TMTC2: variants seen among roughly 807,000 people sequenced by gnomAD.
TMTC2 encodes the protein protein O-mannosyl-transferase TMTC2.
A neutral mutation model predicts 82.4 loss-of-function variants in TMTC2; 43 were observed. The ratio of observed to expected loss-of-function variants is 0.52; its 90% CI spans 0.41 to 0.67. The LOEUF is 0.67. Among genes scored for constraint, TMTC2 ranks in the 30% least tolerant of loss-of-function variants. The pLI is 0.00. For missense variants in TMTC2, 919 were observed against 1,012.4 expected (o/e 0.91, Z 1.25); for synonymous variants, 408 against 381.9 (o/e 1.07, Z -0.80).
chr12:83,008,980 G>A (rs1880329470), intron 8 of TMTC2, among the ~76,000 whole-genome samples: 1 of 152,184 alleles, frequency 6.6e-6, no homozygotes, highest in African/African-American at 2.4e-5. Flanking sequence ...AAGTATGAGG[G>A]AGGAGGAACA....
At chr12:83,089,919 A>G (rs1285278199) in intron 11 of TMTC2, among the ~76,000 whole-genome samples, 1 of 152,056 alleles carries the variant, frequency 6.6e-6, no homozygotes, top group African/African-American at 2.4e-5. Flanking sequence ...TATATTTTGC[A>G]GAATTCAGTG....
At chr12:82,877,278 A>T (rs1164206891) in intron 2 of TMTC2, among the ~76,000 whole-genome samples, 4 of 152,236 alleles carry the variant, frequency 2.6e-5, no homozygotes, top group African/African-American at 7.2e-5. Flanking sequence ...CGCATTCTTA[A>T]GTCACAGATT....
intron 1 of TMTC2, among the ~76,000 whole-genome samples, chr12:82,841,528 C>T (rs961746322): frequency 6.6e-6 from 1 of 152,140 alleles, no homozygotes. Flanking sequence ...TGTTTTTCAT[C>T]AGCGCTCGCA....
intron 11 of TMTC2, among the ~76,000 whole-genome samples, chr12:83,124,239 A>G (rs1885040656): frequency 6.6e-6 from 1 of 152,226 alleles, no homozygotes. Flanking sequence ...AGCACATATA[A>G]TAAGTGGTCA....
At chr12:83,086,411 G>A (rs1395136472) in intron 11 of TMTC2, among the ~76,000 whole-genome samples, 1 of 152,198 alleles carries the variant, frequency 6.6e-6, no homozygotes, top group Non-Finnish European at 1.5e-5. Flanking sequence ...GTGCAGTTAA[G>A]ATTGAGGACC....
At chr12:82,695,949 A>C (rs1592853761) in intron 1 of TMTC2, among the ~76,000 whole-genome samples, 2 of 152,216 alleles carry the variant, frequency 1.3e-5, no homozygotes, top group East Asian at 3.8e-4. Flanking sequence ...AGCTTTAAGA[A>C]ACTAGGCCTG....
chr12:82,989,022 G>T (rs1879292894), intron 8 of TMTC2, among the ~76,000 whole-genome samples: 1 of 151,018 alleles, frequency 6.6e-6, no homozygotes, highest in African/African-American at 2.4e-5. Flanking sequence ...TAAATCAGAA[G>T]ACATCTTTAA....
At chr12:82,691,146 A>G (rs2136882755) in intron 1 of TMTC2, among the ~76,000 whole-genome samples, 1 of 152,324 alleles carries the variant, frequency 6.6e-6, no homozygotes, top group East Asian at 1.9e-4. Flanking sequence ...TACATGCTTT[A>G]AATTCTCATA....
At chr12:82,926,688 G>A (rs1229993143) in intron 3 of TMTC2, among the ~76,000 whole-genome samples, 1 of 152,130 alleles carries the variant, frequency 6.6e-6, no homozygotes, top group Non-Finnish European at 1.5e-5. Flanking sequence ...CAAAGGACAG[G>A]CTGACTGTTA....
At chr12:82,754,637 T>C (rs1876201875) in intron 1 of TMTC2, among the ~76,000 whole-genome samples, 2 of 152,026 alleles carry the variant, frequency 1.3e-5, no homozygotes, top group South Asian at 4.1e-4. Flanking sequence ...CTTAGGGGGC[T>C]GAGGTGGGAG....
At chr12:82,977,577 G>A (rs1251986435) in intron 7 of TMTC2, among the ~76,000 whole-genome samples, 8 of 151,642 alleles carry the variant, frequency 5.3e-5, no homozygotes, top group Non-Finnish European at 1.2e-4. Context: ...ATACCACATA[G>A]CAAAGTATAT....
At chr12:82,977,016 TTG>T (rs1878704587) in intron 7 of TMTC2, among the ~76,000 whole-genome samples, 1 of 151,942 alleles carries the variant, frequency 6.6e-6, no homozygotes, top group East Asian at 1.9e-4. Context: ...ATATAAAAGA[TTG>T]TGTGTCTGCT....
intron 3 of TMTC2, among the ~76,000 whole-genome samples, chr12:82,905,744 A>G (rs140544695): frequency 0.012 from 1,882 of 152,244 alleles, 37 homozygotes; most frequent in African/African-American, 0.042. Context: ...CAGGAGTTCA[A>G]GACCATTCTG....
At chr12:82,833,087 A>G (rs1376292407) in intron 1 of TMTC2, among the ~76,000 whole-genome samples, 2 of 152,154 alleles carry the variant, frequency 1.3e-5, no homozygotes, top group Non-Finnish European at 2.9e-5. Context: ...CTCCCTATGC[A>G]TTTTTGTCGT....
chr12:83,095,047 TA>T (rs879568114), intron 11 of TMTC2, among the ~76,000 whole-genome samples: 2 of 152,148 alleles, frequency 1.3e-5, no homozygotes, highest in African/African-American at 2.4e-5. Context: ...TACAAACACT[TA>T]AAAAACATGG....
In TMTC2 at chr12:83,133,808, C is replaced by G. The variant is rs900411409; in HGVS notation, c.*1419C>G. 2 of 152,112 alleles carry G rather than the reference C, an allele frequency of 1.3e-5. No homozygotes were observed. Among genetic ancestry groups the G allele is most frequent in the Admixed American group, 6.5e-5 (1 of 15,276 alleles). 9.4% of individuals were successfully genotyped at this position (152,112 alleles called of 1,614,324 possible). A position where few individuals can be genotyped will look rare whatever the true frequency, so the allele number is the denominator to read the frequency against. On this transcript the variant is annotated 3_prime_UTR_variant, in exon 12 of 12. Coordinates refer to ENST00000321196, the MANE Select transcript of TMTC2 (RefSeq NM_152588.3). Reference sequence around the variant, plus strand: ...TCACAGAGAAAGTAGCTATACTATACCCTACATATTTATTTATTTATTATT... The same window carrying G: ...TCACAGAGAAAGTAGCTATACTATAGCCTACATATTTATTTATTTATTATT...
intron 1 of TMTC2, among the ~76,000 whole-genome samples, chr12:82,850,600 G>T (rs1374495047): frequency 6.6e-6 from 1 of 152,090 alleles, no homozygotes; most frequent in African/African-American, 2.4e-5. Flanking sequence ...TCCTCAAAAA[G>T]ATAGGAAGAG....
chr12:83,020,558 G>A (rs1247344966), intron 8 of TMTC2, among the ~76,000 whole-genome samples: 1 of 152,158 alleles, frequency 6.6e-6, no homozygotes, highest in Non-Finnish European at 1.5e-5. Flanking sequence ...TTCCTTAGAT[G>A]TTGTAATGAA....
chr12:82,779,105 A>G lies in TMTC2; in HGVS notation c.84-77905A>G, dbSNP rs148762222. 7.7e-4 allele frequency among the ~76,000 whole-genome samples: 117 copies of G among 152,046 alleles called. 2 individuals carry two copies. The highest frequency in any genetic ancestry group is 2.7e-3 in the African/African-American group (110 of 41,504). Reference sequence around the variant, plus strand: ...GGCTGAGTAGCTCTCTGGGCAAACAATAGTGGCAGAGGAGGGCATTCCAGA... The same window carrying G: ...GGCTGAGTAGCTCTCTGGGCAAACAGTAGTGGCAGAGGAGGGCATTCCAGA... On this transcript the variant is annotated intron_variant, in intron 1 of 11. Coordinates refer to ENST00000321196, the MANE Select transcript of TMTC2 (RefSeq NM_152588.3).
Sources: allele counts gnomAD v4.1 joint callset (sites outside exome capture counted in the v4.1 genomes callset), GRCh38; gene constraint gnomAD v4.1.1; transcripts MANE v1.5; gene names NCBI Gene and HGNC (gene_info 2026-07-23, HGNC 2026-07-21).